CRACR2A: variants seen among roughly 807,000 people sequenced by gnomAD.
CRACR2A encodes calcium release activated channel regulator 2A.
In CRACR2A, 79 loss-of-function variants were observed where a neutral mutation model predicts 90.5. The observed-to-expected ratio is 0.87, with a 90% CI of 0.73 to 1.05. CRACR2A has a LOEUF of 1.05. Ranked by LOEUF, CRACR2A falls within the 50% of genes least tolerant of loss-of-function variation. CRACR2A has a pLI of 0.00. For synonymous variants in CRACR2A, 338 were observed against 356.7 expected (o/e 0.95, Z 0.59); for missense variants, 823 against 897.2 (o/e 0.92, Z 1.06).
chr12:3,699,260 T>C (rs1401632413), intron 3 of CRACR2A, among the ~76,000 whole-genome samples: 1 of 152,208 alleles, frequency 6.6e-6, no homozygotes, highest in African/African-American at 2.4e-5. Flanking sequence ...CAGAGGCATA[T>C]TCATCATTTT....
At chr12:3,680,000 G>A (rs904648986) in intron 5 of CRACR2A, among the ~76,000 whole-genome samples, 3 of 152,190 alleles carry the variant, frequency 2.0e-5, no homozygotes, top group Non-Finnish European at 4.4e-5. Context: ...CCAGTGGGAG[G>A]GAGCTTGGTA....
chr12:3,650,076 C>T (rs979410170), intron 10 of CRACR2A, among the ~76,000 whole-genome samples: 5 of 152,176 alleles, frequency 3.3e-5, no homozygotes, highest in African/African-American at 9.7e-5. Flanking sequence ...CATAGTTTCA[C>T]GTTTCCAAAC....
intron 1 of CRACR2A, among the ~76,000 whole-genome samples, chr12:3,742,358 G>A (rs965322665): frequency 1.1e-4 from 17 of 152,128 alleles, no homozygotes; most frequent in African/African-American, 3.1e-4. Flanking sequence ...ACAGGGTTCC[G>A]AATACCATCT....
At chr12:3,749,173 A>G (rs908346330) in intron 1 of CRACR2A, among the ~76,000 whole-genome samples, 4 of 152,238 alleles carry the variant, frequency 2.6e-5, no homozygotes, top group South Asian at 2.1e-4. Flanking sequence ...CCATAAGGGA[A>G]TACATGGACA....
intron 7 of CRACR2A, among the ~76,000 whole-genome samples, chr12:3,664,654 T>C (rs1403788383): frequency 6.6e-6 from 1 of 152,172 alleles, no homozygotes; most frequent in Non-Finnish European, 1.5e-5. Flanking sequence ...ATCTCTGAGA[T>C]GTTAATTAGT....
chr12:3,676,005 C>CT (rs1945329391), intron 6 of CRACR2A, among the ~76,000 whole-genome samples: 1 of 152,110 alleles, frequency 6.6e-6, no homozygotes, highest in South Asian at 2.1e-4. Context: ...CTGGTCATCT[C>CT]TAACACTTCA....
At position 3,687,547 on chromosome 12, in the gene CRACR2A, A is replaced by G. The variant is rs74471103; in HGVS notation, c.229-7198T>C. ...ATGATCTTGTTCTTTTTATGGCTGC[A>G]TAGTATTCCATGGTGTATATGTATC... On this transcript the variant is annotated intron_variant, in intron 4 of 19. Transcript: ENST00000440314. Among the ~76,000 whole-genome samples, 9 of 152,332 alleles carry G rather than the reference A, an allele frequency of 5.9e-5. No individual in the cohort carries two copies. The East Asian group carries it at 1.7e-3, about 29-fold the overall frequency.
intron 4 of CRACR2A, 88 bp downstream of exon 4, chr12:3,696,684 A>T (rs1035632663): frequency 6.4e-7 from 1 of 1,569,924 alleles, no homozygotes; most frequent in Non-Finnish European, 8.7e-7. Flanking sequence ...TCTGTTAAGG[A>T]TGTCACCTCC....
At chr12:3,715,778 A>C (rs2056616082) in intron 2 of CRACR2A, among the ~76,000 whole-genome samples, 1 of 152,270 alleles carries the variant, frequency 6.6e-6, no homozygotes, top group South Asian at 2.1e-4. Context: ...TTTTTTAAGC[A>C]ATGACAACAG....
intron 3 of CRACR2A, among the ~76,000 whole-genome samples, chr12:3,700,368 C>G (rs1945816927): frequency 6.6e-6 from 1 of 152,258 alleles, no homozygotes; most frequent in South Asian, 2.1e-4. Flanking sequence ...TGTGCCCTGT[C>G]TTATTATCTA....
chr12:3,726,028 C>G lies in CRACR2A; in HGVS notation c.-118+6914G>C, dbSNP rs958278399. 3.5e-4 allele frequency: 53 copies of G among 152,288 alleles called. No individual in the cohort carries two copies. The East Asian group carries it at 0.01, about 29-fold the overall frequency. The allele number at this position is 152,288 out of a possible 1,614,324, so 9.4% of individuals were successfully genotyped here. A position where few individuals can be genotyped will look rare whatever the true frequency, so the allele number is the denominator to read the frequency against. On this transcript the variant is annotated intron_variant, in intron 2 of 19. Coordinates refer to ENST00000440314, the MANE Select transcript of CRACR2A (RefSeq NM_001144958.2). The stretch of plus-strand genomic sequence containing the variant: ...TAACCCAGTGGTGCTCCACCCTATC[C>G]AATCAATGCCCTATTTTTGTAACAA...
At chr12:3,638,580 G>C in intron 13 of CRACR2A, 126 bp from the exon 14 acceptor site, 1 of 1,137,124 alleles carries the variant, frequency 8.8e-7, no homozygotes, top group Admixed American at 2.9e-5. Context: ...AGAGCAGTCC[G>C]GGAGAGGGAA....
chr12:3,643,872 A>T (rs1465990557), intron 12 of CRACR2A, among the ~76,000 whole-genome samples: 1 of 70,594 alleles, frequency 1.4e-5, no homozygotes, highest in Non-Finnish European at 2.4e-5. Flanking sequence ...TATATATATT[A>T]TATATATTTA....
In CRACR2A at chr12:3,627,469, G is replaced by A. The variant is rs776425363; in HGVS notation, c.1899C>T (p.Phe633=). The change falls in exon 17 of 20, where the codon TTC becomes TTT. Residue 633 remains phenylalanine (F), a synonymous_variant. Transcript: ENST00000440314. ...VMYDLTDKQS[F]LSVRRWLSSV... is the part of the protein sequence containing the mutation. ...TGCTCAGCCACCGCCGGACCGACAG[G>A]AACGACTGCTTGTCTGTGAGATCGT... 6.4e-7 allele frequency: 1 copy of A among 1,551,988 alleles called. No individual in the cohort carries two copies. Among genetic ancestry groups the A allele is most frequent in the Non-Finnish European group, 8.7e-7 (1 of 1,147,090 alleles).
At chr12:3,673,980 G>A (rs1945298148) in intron 6 of CRACR2A, among the ~76,000 whole-genome samples, 1 of 152,144 alleles carries the variant, frequency 6.6e-6, no homozygotes, top group South Asian at 2.1e-4. Flanking sequence ...TGGCCTTCAC[G>A]ACGGGCTCGT....
At chr12:3,724,318 A>C (rs241981) in intron 2 of CRACR2A, among the ~76,000 whole-genome samples, 83,147 of 152,150 alleles carry the variant, frequency 0.55, 23,104 homozygotes, top group African/African-American at 0.63. Context: ...CACACCCTCT[A>C]GGCTCCTGCT....
intron 1 of CRACR2A, among the ~76,000 whole-genome samples, chr12:3,742,081 G>A (rs1946535471): frequency 6.6e-6 from 1 of 152,168 alleles, no homozygotes; most frequent in Non-Finnish European, 1.5e-5. Context: ...GTTAGGACAG[G>A]GAGGGCTGGA....
In CRACR2A at chr12:3,733,973, A is replaced by ATT. The variant is rs1166347439; in HGVS notation, c.-386-765_-386-764dup. On this transcript the variant is annotated intron_variant, in intron 1 of 19. Coordinates refer to ENST00000440314, the MANE Select transcript of CRACR2A (RefSeq NM_001144958.2). ...TCCTAGACTGGACACATTTTGCCTTATTTTTTTTTTTTTTTGAGATGGAGT... is the reference window on the plus strand; with the variant it reads ...TCCTAGACTGGACACATTTTGCCTTATTTTTTTTTTTTTTTTTGAGATGGAGT... Among the ~76,000 whole-genome samples the ATT allele has an allele frequency of 8.6e-4, 86 of 99,780 alleles. 17 individuals are homozygous for ATT. Among genetic ancestry groups the ATT allele is most frequent in the African/African-American group, 1.8e-3 (49 of 27,110 alleles). The allele number at this position is 99,780 out of a possible 152,430, so 65.5% of individuals were successfully genotyped here. A position where few individuals can be genotyped will look rare whatever the true frequency, so the allele number is the denominator to read the frequency against.
chr12:3,642,131 G>T (rs1013068648), intron 12 of CRACR2A, among the ~76,000 whole-genome samples: 1 of 152,156 alleles, frequency 6.6e-6, no homozygotes, highest in African/African-American at 2.4e-5. Flanking sequence ...AAAAGGAAAA[G>T]AAGAGATAAG....
Sources: gnomAD v4.1 joint callset for allele counts (sites outside exome capture counted in the v4.1 genomes callset) on GRCh38, gnomAD v4.1.1 for gene constraint, MANE v1.5 for transcripts, NCBI Gene and HGNC (gene_info 2026-07-23, HGNC 2026-07-21) for gene names.